ZC3H12B: variants seen among roughly 807,000 people sequenced by gnomAD.
ZC3H12B encodes probable ribonuclease ZC3H12B.
In ZC3H12B, 7 loss-of-function variants were observed where a neutral mutation model predicts 43.9. The observed-to-expected ratio is 0.16, with a 90% CI of 0.09 to 0.30. The LOEUF is 0.30. Among genes scored for constraint, ZC3H12B ranks in the 10% least tolerant of loss-of-function variants. The probability of loss-of-function intolerance (pLI) is 1.00; values close to 1 mark genes in which losing one functional copy is unlikely to be tolerated. For missense variants in ZC3H12B, 475 were observed against 670.2 expected (o/e 0.71, Z 3.22); for synonymous variants, 222 against 241.7 (o/e 0.92, Z 0.76).
chrX:65,283,660 C>G, the ZC3H12B span, among the ~76,000 whole-genome samples: 1 of 111,904 alleles, frequency 8.9e-6, no homozygotes, highest in East Asian at 2.8e-4. Context: ...TGGGACAGAA[C>G]TGCTCCAGGA....
At chrX:65,389,777 C>T (rs909372676) in intron 2 of ZC3H12B, among the ~76,000 whole-genome samples, 19 of 112,390 alleles carry the variant, frequency 1.7e-4, no homozygotes, top group South Asian at 7.3e-4. Context: ...CTTGGCTCCA[C>T]GCCCAATAGG....
chrX:65,156,093 T>C, the ZC3H12B span, among the ~76,000 whole-genome samples: 1 of 111,730 alleles, frequency 9.0e-6, no homozygotes, highest in South Asian at 3.7e-4. Flanking sequence ...AAAATGTTTA[T>C]ATTGTTTATA....
chrX:65,225,128 G>T, the ZC3H12B span, among the ~76,000 whole-genome samples: 1 of 111,700 alleles, frequency 9.0e-6, no homozygotes, highest in Non-Finnish European at 1.9e-5. Context: ...GCACCCCCCA[G>T]TAGGGGCAGA....
the ZC3H12B span, among the ~76,000 whole-genome samples, chrX:65,098,158 A>G: frequency 3.6e-5 from 4 of 109,793 alleles, no homozygotes; most frequent in Non-Finnish European, 7.6e-5. Context: ...GATATGAATG[A>G]GGGAGAAATT....
chrX:65,080,954 A>G, the ZC3H12B span, among the ~76,000 whole-genome samples: 1 of 110,784 alleles, frequency 9.0e-6, no homozygotes, highest in South Asian at 3.8e-4. Flanking sequence ...TAAGATATCA[A>G]TAAAACAGTA....
At chrX:65,207,372 G>A in the ZC3H12B span, among the ~76,000 whole-genome samples, 1 of 110,100 alleles carries the variant, frequency 9.1e-6, no homozygotes, top group East Asian at 2.9e-4. Context: ...TCTAAGTGAA[G>A]TAACTCTGAA....
the ZC3H12B span, among the ~76,000 whole-genome samples, chrX:65,275,901 A>T: frequency 8.9e-6 from 1 of 112,140 alleles, no homozygotes; most frequent in Admixed American, 9.5e-5. Context: ...ATCTCAAGGA[A>T]ACTCAATGAA....
chrX:65,103,325 C>A, the ZC3H12B span, among the ~76,000 whole-genome samples: 1 of 111,851 alleles, frequency 8.9e-6, no homozygotes, highest in East Asian at 2.8e-4. Context: ...TGGCTCTGTT[C>A]CGCCCGGCTC....
the ZC3H12B span, among the ~76,000 whole-genome samples, chrX:65,116,509 A>G: frequency 1.4e-3 from 159 of 110,790 alleles, 1 homozygote; most frequent in African/African-American, 5.1e-3. Context: ...TCTTTTTGCT[A>G]AGACTTGCTT....
At chrX:65,332,519 C>A in the ZC3H12B span, among the ~76,000 whole-genome samples, 1 of 111,475 alleles carries the variant, frequency 9.0e-6, no homozygotes, top group East Asian at 2.8e-4. Flanking sequence ...ATGAACTGTG[C>A]AACTGTTGGA....
chrX:65,305,025 G>A, the ZC3H12B span, among the ~76,000 whole-genome samples: 1 of 111,603 alleles, frequency 9.0e-6, no homozygotes, highest in Non-Finnish European at 1.9e-5. Context: ...ATGAAGATAT[G>A]GAGATGGCAA....
At chrX:65,411,778 T>C (rs1395605105) in intron 3 of ZC3H12B, among the ~76,000 whole-genome samples, 1 of 99,340 alleles carries the variant, frequency 1.0e-5, no homozygotes, top group Non-Finnish European at 1.9e-5. Context: ...ATTGGATTGT[T>C]AGTAACACAA....
the ZC3H12B span, among the ~76,000 whole-genome samples, chrX:65,141,987 C>G: frequency 8.9e-6 from 1 of 112,109 alleles, no homozygotes; most frequent in Non-Finnish European, 1.9e-5. Context: ...GTGCAACCAA[C>G]TTTTATTGCA....
At chrX:65,359,785 G>A in the ZC3H12B span, among the ~76,000 whole-genome samples, 1 of 112,384 alleles carries the variant, frequency 8.9e-6, no homozygotes, top group Non-Finnish European at 1.9e-5. Context: ...AAACTTATTT[G>A]ATAAAGTGGC....
the ZC3H12B span, among the ~76,000 whole-genome samples, chrX:65,100,586 A>AC: frequency 9.7e-6 from 1 of 102,862 alleles, no homozygotes; most frequent in Non-Finnish European, 2.0e-5. Flanking sequence ...AAAAAAAAAA[A>AC]AAAAAAAACA....
the ZC3H12B span, among the ~76,000 whole-genome samples, chrX:65,038,521 C>T: frequency 9.0e-6 from 1 of 111,320 alleles, no homozygotes; most frequent in African/African-American, 3.3e-5. Flanking sequence ...ATCATTTTTG[C>T]TAAGTAACTA....
the ZC3H12B span, among the ~76,000 whole-genome samples, chrX:65,058,880 G>A: frequency 6.7e-4 from 75 of 112,336 alleles, no homozygotes; most frequent in African/African-American, 2.0e-3. Context: ...CGAGCCAGGC[G>A]CGGGATATAA....
At chrX:65,372,948 G>A (rs1321120085) in intron 2 of ZC3H12B, among the ~76,000 whole-genome samples, 1 of 112,368 alleles carries the variant, frequency 8.9e-6, no homozygotes, top group Non-Finnish European at 1.9e-5. Flanking sequence ...TAAGAATTCA[G>A]AGAAGAGTGA....
chrX:65,357,721 C>G, the ZC3H12B span, among the ~76,000 whole-genome samples: 2 of 111,772 alleles, frequency 1.8e-5, no homozygotes, highest in African/African-American at 6.5e-5. Context: ...AAAATTGGTA[C>G]CAGTCACTGC....
Sources: allele counts gnomAD v4.1 joint callset (sites outside exome capture counted in the v4.1 genomes callset), GRCh38; gene constraint gnomAD v4.1.1; transcripts MANE v1.5; gene names NCBI Gene and HGNC (gene_info 2026-07-23, HGNC 2026-07-21).